The following FAM186A variants were observed in gnomAD, a reference collection of about 807,000 sequenced individuals.
FAM186A encodes the protein family with sequence similarity 186 member A.
Under a neutral mutation model 216.8 loss-of-function variants are expected in FAM186A, and 163 were observed. That is an observed-to-expected ratio of 0.75 (90% CI 0.66 to 0.86). The LOEUF is 0.86. Ranked by LOEUF, FAM186A falls within the 40% of genes least tolerant of loss-of-function variation. The pLI is 0.00. For missense variants in FAM186A, 2,184 were observed against 2,746.2 expected, an observed-to-expected ratio of 0.80 and a Z score of 4.58; for synonymous variants, 805 against 1,025.3, an observed-to-expected ratio of 0.79 and a Z score of 4.10.
Position 50,378,562 on chromosome 12 carries a change from ATATATATATATACACATATGTAAATTG to A in FAM186A, c.193-15225_193-15199del, listed in dbSNP as rs1243894923. Among the ~76,000 whole-genome samples, 408 of 110,690 alleles carry A rather than the reference ATATATATATATACACATATGTAAATTG, an allele frequency of 3.7e-3. 2 individuals are homozygous for A. Among genetic ancestry groups the A allele is most frequent in the Middle Eastern group, 8.4e-3 (2 of 238 alleles). The allele number at this position is 110,690 out of a possible 152,430, so 72.6% of individuals were successfully genotyped here. A position where few individuals can be genotyped will look rare whatever the true frequency, so the allele number is the denominator to read the frequency against. ...ATATATACATATATGTAAATTGTAT[ATATATATATATACACATATGTAAATTG>A]TATATATATATATACACATATGTAA... On this transcript the variant is annotated intron_variant, in intron 1 of 7. Coordinates refer to ENST00000327337, the MANE Select transcript of FAM186A (RefSeq NM_001145475.3).
chr12:50,394,682 C>T (rs1458682323), intron 1 of FAM186A, among the ~76,000 whole-genome samples: 1 of 145,602 alleles, frequency 6.9e-6, no homozygotes, highest in Non-Finnish European at 1.5e-5. Context: ...CTGTCTTGGC[C>T]TCCAAAGTGC....
chr12:50,389,812 G>A (rs1396094984), intron 1 of FAM186A, among the ~76,000 whole-genome samples: 1 of 152,186 alleles, frequency 6.6e-6, no homozygotes, highest in African/African-American at 2.4e-5. Context: ...AAATCCATCT[G>A]TATTCTTTAC....
chr12:50,364,147 C>G (rs760067495), intron 1 of FAM186A, among the ~76,000 whole-genome samples: 28 of 152,244 alleles, frequency 1.8e-4, no homozygotes, highest in Non-Finnish European at 3.4e-4. Flanking sequence ...CAGTATCACA[C>G]AGTGAAGAAC....
At chr12:50,338,420 C>T (rs1265547428) in intron 4 of FAM186A, among the ~76,000 whole-genome samples, 1 of 152,098 alleles carries the variant, frequency 6.6e-6, no homozygotes, top group Non-Finnish European at 1.5e-5. Context: ...AGGCTGGTCT[C>T]GAACTCCAGA....
At chr12:50,376,053 G>A (rs1039709650) in intron 1 of FAM186A, among the ~76,000 whole-genome samples, 2 of 152,150 alleles carry the variant, frequency 1.3e-5, no homozygotes, top group African/African-American at 4.8e-5. Context: ...CACTGGCTCT[G>A]GGAGAGGCTG....
Position 50,352,526 on chromosome 12 carries a change from TGA to T in FAM186A, c.4304_4305del (p.Leu1435HisfsTer231), listed in dbSNP as rs1942906320. ...CCCAGGGCCTGGGCCTGCTGAGGGG[TGA>T]GAGTGATCTCCTGAGCCTGTGCCTG... Reference protein sequence around the residue: ...PQQAQAQEITLTPQQAQALGM... With the variant: ...PQQAQAQEITXTPQQAQALGM... On this transcript the variant is annotated frameshift_variant, in exon 4 of 8. Transcript: ENST00000327337. LOFTEE classifies it high-confidence loss of function. 6.7e-7 allele frequency: 1 copy of T among 1,492,174 alleles called. No homozygotes were observed. Among genetic ancestry groups the T allele is most frequent in the Non-Finnish European group, 9.0e-7 (1 of 1,114,472 alleles). 92.4% of individuals were successfully genotyped at this position (1,492,174 alleles called of 1,614,324 possible). A position where few individuals can be genotyped will look rare whatever the true frequency, so the allele number is the denominator to read the frequency against.
rs1942866341 is a variant in FAM186A at position 50,350,615 on chromosome 12, T to C, written c.6217A>G (p.Ile2073Val). Residue 2073 changes from isoleucine to valine, a missense_variant, in exon 4 of 8, where the codon ATA (isoleucine) becomes GTA (valine). Physicochemically the swap from Ile to Val is conservative, Grantham distance 29 (BLOSUM62 3). Coordinates refer to ENST00000327337, the MANE Select transcript of FAM186A (RefSeq NM_001145475.3). ...GAACTCAGTATCCAGGGCTTGTCTA[T>C]AGGAGGGAATCGGGATTTCTGGTAC... Reference protein sequence around the residue: ...EWYQKSRFPPIDKPWILSSVS... With the variant: ...EWYQKSRFPPVDKPWILSSVS... 6.4e-7 allele frequency: 1 copy of C among 1,551,470 alleles called. No homozygotes were observed. Among genetic ancestry groups the C allele is most frequent in the African/African-American group, 1.4e-5 (1 of 73,012 alleles).
In FAM186A at chr12:50,353,650, G is replaced by A. The variant is rs1732373311; in HGVS notation, c.3182C>T (p.Ala1061Val). 1 of 1,535,784 alleles carries A rather than the reference G, an allele frequency of 6.5e-7. No individual in the cohort carries two copies. The highest frequency in any genetic ancestry group is 2.4e-5 in the East Asian group (1 of 40,868). Residue 1061 changes from alanine (A) to valine (V), a missense_variant, in exon 4 of 8, where the codon GCT becomes GTT. Physicochemically the swap from Ala to Val is moderately conservative, Grantham distance 64. Transcript: ENST00000327337. Reference protein sequence around the residue: ...PPSLQYSLPGALPISGQPLTK... With the variant: ...PPSLQYSLPGVLPISGQPLTK... ...GAGAGGCTGGCCAGAAATAGGAAGA[G>A]CTCCAGGCAGGGAGTATTGTAGGGA...
chr12:50,344,841 G>C (rs1181136824), intron 4 of FAM186A, among the ~76,000 whole-genome samples: 1 of 152,080 alleles, frequency 6.6e-6, no homozygotes, highest in Non-Finnish European at 1.5e-5. Flanking sequence ...AGGCATGATG[G>C]CATAGGCCTG....
chr12:50,346,237 A>AAAGAAAGCAAGAAAGAAAGAAAG (rs1383898895), intron 4 of FAM186A, among the ~76,000 whole-genome samples: 1 of 102,184 alleles, frequency 9.8e-6, no homozygotes, highest in Non-Finnish European at 2.0e-5. Context: ...AAGAAAGAAA[A>AAAGAAAGCAAGAAAGAAAGAAAG]AAAGAAAGAA....
At chr12:50,376,947 C>G (rs1052835072) in intron 1 of FAM186A, among the ~76,000 whole-genome samples, 8 of 151,822 alleles carry the variant, frequency 5.3e-5, no homozygotes, top group Non-Finnish European at 2.9e-5. Context: ...TGGGATCTCA[C>G]TGTGTTGCTC....
chr12:50,378,064 A>G (rs1236517704), intron 1 of FAM186A, among the ~76,000 whole-genome samples: 2 of 152,060 alleles, frequency 1.3e-5, no homozygotes, highest in Non-Finnish European at 2.9e-5. Flanking sequence ...TGTCTCTACT[A>G]AAAATACAAA....
At chr12:50,362,916 G>A (rs998363973) in intron 2 of FAM186A, among the ~76,000 whole-genome samples, 2 of 152,048 alleles carry the variant, frequency 1.3e-5, no homozygotes, top group African/African-American at 4.8e-5. Context: ...ATAAAAACAC[G>A]GCTGGCATGC....
At chr12:50,330,907 G>A in intron 6 of FAM186A, 149 bp from the exon 7 acceptor site, 1 of 621,160 alleles carries the variant, frequency 1.6e-6, no homozygotes, top group Non-Finnish European at 2.5e-6. Context: ...CACTTTGACA[G>A]AGAGATGGAT....
intron 7 of FAM186A, among the ~76,000 whole-genome samples, chr12:50,329,030 GA>G (rs1302598795): frequency 6.6e-6 from 1 of 152,154 alleles, no homozygotes. Flanking sequence ...TGAGGCAGGA[GA>G]ATCACTTGAA....
chr12:50,367,122 GA>G (rs1217698036), intron 1 of FAM186A, among the ~76,000 whole-genome samples: 2 of 152,144 alleles, frequency 1.3e-5, no homozygotes, highest in Non-Finnish European at 2.9e-5. Flanking sequence ...ATTCAACAGT[GA>G]AAGACTGAAA....
chr12:50,381,573 A>G (rs1943253919), intron 1 of FAM186A, among the ~76,000 whole-genome samples: 1 of 152,112 alleles, frequency 6.6e-6, no homozygotes, highest in African/African-American at 2.4e-5. Context: ...AATTAATTAA[A>G]TGTAATGAAG....
At position 50,381,322 on chromosome 12, in the gene FAM186A, G is replaced by A. The variant is rs550663693; in HGVS notation, c.192+14971C>T. On this transcript the variant is annotated intron_variant, in intron 1 of 7. Coordinates refer to ENST00000327337, the MANE Select transcript of FAM186A (RefSeq NM_001145475.3). ...CAAGTTCTTGTCTTGCATTCAGAAA[G>A]AATGAGCTATGCAGACAAGTGGAGG... 2.0e-5 allele frequency among the ~76,000 whole-genome samples: 3 copies of A among 152,316 alleles called. No homozygotes were observed. The South Asian group carries it at 6.2e-4, about 32-fold the overall frequency.
intron 3 of FAM186A, among the ~76,000 whole-genome samples, chr12:50,356,497 G>C (rs1471260462): frequency 6.6e-6 from 1 of 151,758 alleles, no homozygotes; most frequent in Admixed American, 6.6e-5. Flanking sequence ...TCCCAGGCTG[G>C]AGTGCAGTGG....
Sources: allele counts gnomAD v4.1 joint callset (sites outside exome capture counted in the v4.1 genomes callset), GRCh38; gene constraint gnomAD v4.1.1; transcripts MANE v1.5; gene names NCBI Gene and HGNC (gene_info 2026-07-23, HGNC 2026-07-21).